Variants in PHF14 observed in about 807,000 individuals in gnomAD.
PHF14 encodes PHD finger protein 14.
A neutral mutation model predicts 117.9 loss-of-function variants in PHF14; 55 were observed. The ratio of observed to expected loss-of-function variants is 0.47; its 90% CI spans 0.38 to 0.58. The LOEUF (loss-of-function observed/expected upper bound fraction) is 0.58. Among genes scored for constraint, PHF14 ranks in the 20% least tolerant of loss-of-function variants. PHF14 has a pLI of 0.00. For missense variants in PHF14, 978 were observed against 1,122.2 expected (o/e 0.87, Z 1.84); for synonymous variants, 409 against 368.6 (o/e 1.11, Z -1.26).
chr7:10,982,322 G>T, intron 2 of PHF14, 50 bp from the exon 3 acceptor site: 1 of 1,184,046 alleles, frequency 8.4e-7, no homozygotes, highest in Non-Finnish European at 1.2e-6. Flanking sequence ...GTGTGTGTGT[G>T]TGTATGTATA....
intron 16 of PHF14, chr7:11,063,530 T>C (rs1008963032): frequency 6.9e-5 from 67 of 977,932 alleles, no homozygotes; most frequent in Non-Finnish European, 7.9e-5. Context: ...AGTTAAAAAC[T>C]TATAGAGCTG....
At chr7:11,044,763 A>G (rs181320769) in intron 13 of PHF14, among the ~76,000 whole-genome samples, 93 of 152,240 alleles carry the variant, frequency 6.1e-4, no homozygotes, top group African/African-American at 2.0e-3. Context: ...ATTTAAGTCT[A>G]TTGCATCTGG....
intron 13 of PHF14, among the ~76,000 whole-genome samples, chr7:11,047,944 A>AGGGAGGGAGG (rs1381864303): frequency 8.7e-5 from 3 of 34,520 alleles, no homozygotes; most frequent in African/African-American, 3.5e-4. Context: ...GGGGAGGGAG[A>AGGGAGGGAGG]GGGAGGGAGG....
intron 17 of PHF14, among the ~76,000 whole-genome samples, chr7:11,162,451 A>G (rs73286533): frequency 0.1 from 15,895 of 152,124 alleles, 1,032 homozygotes; most frequent in African/African-American, 0.18. Context: ...GTTTATGGAA[A>G]TATATAAATT....
intron 4 of PHF14, among the ~76,000 whole-genome samples, chr7:11,002,339 A>T (rs182192566): frequency 1.3e-4 from 16 of 127,120 alleles, no homozygotes; most frequent in African/African-American, 3.5e-4. Context: ...GTGTAGGTCA[A>T]GGGGGGAGCC....
At chr7:11,056,366 A>G (rs141228053) in intron 14 of PHF14, among the ~76,000 whole-genome samples, 2 of 150,966 alleles carry the variant, frequency 1.3e-5, no homozygotes, top group Non-Finnish European at 2.9e-5. Context: ...TGTCATGTAG[A>G]ATACATATTT....
At chr7:11,012,641 G>GT (rs1378758559) in intron 4 of PHF14, among the ~76,000 whole-genome samples, 8 of 152,182 alleles carry the variant, frequency 5.3e-5, no homozygotes, top group Admixed American at 2.0e-4. Context: ...GCATTGCCAA[G>GT]TTATCTTGTC....
intron 4 of PHF14, among the ~76,000 whole-genome samples, chr7:10,994,529 G>A (rs1313946024): frequency 6.6e-6 from 1 of 152,190 alleles, no homozygotes; most frequent in Non-Finnish European, 1.5e-5. Context: ...GAGCAAGCTG[G>A]TTAGTGGTGG....
chr7:11,132,629 A>G (rs1038256180), intron 17 of PHF14, among the ~76,000 whole-genome samples: 2 of 151,740 alleles, frequency 1.3e-5, no homozygotes, highest in African/African-American at 4.8e-5. Flanking sequence ...AATCTGGGTC[A>G]TATGGTCTTT....
chr7:11,033,588 G>A (rs1049107144), intron 7 of PHF14, among the ~76,000 whole-genome samples: 1 of 152,130 alleles, frequency 6.6e-6, no homozygotes, highest in African/African-American at 2.4e-5. Context: ...AAACTCATAG[G>A]GGTCTAGTAC....
intron 17 of PHF14, among the ~76,000 whole-genome samples, chr7:11,160,659 G>A (rs1377875208): frequency 3.9e-5 from 6 of 151,958 alleles, no homozygotes; most frequent in Non-Finnish European, 7.4e-5. Context: ...TTTGCATTTC[G>A]CTGACAATTA....
chr7:11,146,707 C>T (rs1425795526), intron 17 of PHF14, among the ~76,000 whole-genome samples: 2 of 152,170 alleles, frequency 1.3e-5, no homozygotes, highest in African/African-American at 4.8e-5. Context: ...TTCATACATA[C>T]ATTCAGCTCC....
At chr7:11,161,502 A>G (rs914901455) in intron 17 of PHF14, among the ~76,000 whole-genome samples, 1 of 151,924 alleles carries the variant, frequency 6.6e-6, no homozygotes, top group African/African-American at 2.4e-5. Context: ...GAAAATTTTA[A>G]TGGGCCAATC....
At chr7:11,054,264 C>A (rs192823359) in intron 14 of PHF14, among the ~76,000 whole-genome samples, 81 of 151,906 alleles carry the variant, frequency 5.3e-4, no homozygotes, top group Non-Finnish European at 9.7e-4. Context: ...GACTTTGGAC[C>A]CATTCTGGAA....
intron 7 of PHF14, among the ~76,000 whole-genome samples, chr7:11,029,610 C>G (rs375853170): frequency 2.4e-4 from 37 of 151,776 alleles, no homozygotes; most frequent in African/African-American, 8.9e-4. Flanking sequence ...GGTAATGGAC[C>G]CATTATTTAA....
chr7:11,158,444 A>G (rs1164576900), intron 17 of PHF14, among the ~76,000 whole-genome samples: 2 of 152,162 alleles, frequency 1.3e-5, no homozygotes, highest in Admixed American at 6.5e-5. Flanking sequence ...GTCAGTATAC[A>G]TACTATACAT....
chr7:10,979,770 C>T (rs1394465487), intron 2 of PHF14, among the ~76,000 whole-genome samples: 1 of 151,936 alleles, frequency 6.6e-6, no homozygotes, highest in African/African-American at 2.4e-5. Flanking sequence ...AGTTATTTTT[C>T]AGATATCAGA....
intron 16 of PHF14, among the ~76,000 whole-genome samples, chr7:11,071,916 G>C (rs138992960): frequency 6.6e-6 from 1 of 152,280 alleles, no homozygotes; most frequent in Non-Finnish European, 1.5e-5. Context: ...AAGTAAGCCT[G>C]CTAAATTTAT....
chr7:10,986,119 A>T (rs1474699769), intron 3 of PHF14, among the ~76,000 whole-genome samples: 1 of 151,150 alleles, frequency 6.6e-6, no homozygotes, highest in Non-Finnish European at 1.5e-5. Flanking sequence ...CAGGTGTACG[A>T]CAACGACTGG....
Sources: gnomAD v4.1 joint callset for allele counts (sites outside exome capture counted in the v4.1 genomes callset) on GRCh38, gnomAD v4.1.1 for gene constraint, MANE v1.5 for transcripts, NCBI Gene and HGNC (gene_info 2026-07-23, HGNC 2026-07-21) for gene names.